Variants in ZNF600 observed in about 807,000 individuals in gnomAD.
The protein encoded by ZNF600 is zinc finger protein 600.
In ZNF600, 4 loss-of-function variants were observed where a neutral mutation model predicts 7.3. The ratio of observed to expected loss-of-function variants is 0.55; its 90% CI spans 0.27 to 1.25. The LOEUF is 1.25. Ranked by LOEUF, ZNF600 falls within the 50% of genes most tolerant of loss-of-function variation. The pLI is 0.12. For synonymous variants in ZNF600, 290 were observed against 308.9 expected, an observed-to-expected ratio of 0.94 and a Z score of 0.64; for missense variants, 911 against 922.1, an observed-to-expected ratio of 0.99 and a Z score of 0.16.
At chr19:52,809,907 G>A in the ZNF600 span, 1 of 829,440 alleles carries the variant, frequency 1.2e-6, no homozygotes, top group Non-Finnish European at 2.0e-6. Context: ...GCGCCATCTT[G>A]TGCCCGGGGC....
upstream of ZNF600, among the ~76,000 whole-genome samples, chr19:52,791,512 G>C (rs10414950): frequency 0.077 from 11,785 of 152,160 alleles, 750 homozygotes; most frequent in South Asian, 0.19. Flanking sequence ...GAAGAGCCAT[G>C]CCTGGCTCCT....
At chr19:52,822,074 C>CTTTTTTTTT in the ZNF600 span, among the ~76,000 whole-genome samples, 172 of 78,664 alleles carry the variant, frequency 2.2e-3, 5 homozygotes, top group African/African-American at 3.5e-3. Context: ...TTCTTTTTCC[C>CTTTTTTTTT]TTTTTTTTTT....
chr19:52,814,852 G>A, the ZNF600 span, among the ~76,000 whole-genome samples: 9,420 of 145,816 alleles, frequency 0.065, 1,395 homozygotes, highest in African/African-American at 0.14. Context: ...ACACCACTGC[G>A]CTCCAGCCTG....
rs1273564334 is a variant in ZNF600 at position 52,778,985 on chromosome 19, A to C, written c.-19-78T>G. 3.7e-6 allele frequency: 5 copies of C among 1,347,680 alleles called. No homozygotes were observed. The African/African-American group carries it at 7.4e-5, about 20-fold the overall frequency. 83.5% of individuals were successfully genotyped at this position (1,347,680 alleles called of 1,614,324 possible). A position where few individuals can be genotyped will look rare whatever the true frequency, so the allele number is the denominator to read the frequency against. On this transcript the variant is annotated intron_variant, in intron 1 of 3. Transcript: ENST00000648973. ...TGTGACAAAACCACATGAACAGGGG[A>C]GACCTCACCCAGCAGAAAGAAGTCC...
intron 3 of ZNF600, 41 bp downstream of exon 5, chr19:52,774,534 A>G (rs552671922): frequency 2.7e-5 from 27 of 984,678 alleles, no homozygotes; most frequent in African/African-American, 3.5e-5. Flanking sequence ...AAGATAGACA[A>G]GAGCAGACTC....
the ZNF600 span, among the ~76,000 whole-genome samples, chr19:52,830,433 A>G: frequency 6.6e-6 from 1 of 152,154 alleles, no homozygotes; most frequent in Non-Finnish European, 1.5e-5. Flanking sequence ...GGATCCCACG[A>G]CATGTTTCTA....
chr19:52,825,036 G>T, the ZNF600 span, among the ~76,000 whole-genome samples: 1 of 152,080 alleles, frequency 6.6e-6, no homozygotes, highest in Non-Finnish European at 1.5e-5. Context: ...TGCAGAGGCT[G>T]CAGGGCACAT....
At chr19:52,767,813 G>T in intron 3 of ZNF600, 41 bp from the exon 6 acceptor site, 1 of 1,521,442 alleles carries the variant, frequency 6.6e-7, no homozygotes. Context: ...ATTAAGTACA[G>T]ATGGTAAATC....
At chr19:52,829,021 T>C in the ZNF600 span, among the ~76,000 whole-genome samples, 5 of 152,042 alleles carry the variant, frequency 3.3e-5, no homozygotes, top group East Asian at 5.8e-4. Context: ...CCACCACGCC[T>C]GGCTAATTTT....
chr19:52,787,542 A>G (rs182392467), upstream of ZNF600, among the ~76,000 whole-genome samples: 411 of 148,116 alleles, frequency 2.8e-3, 3 homozygotes, highest in East Asian at 7.9e-3. Context: ...GAGTAACTGG[A>G]ACTACAGGAG....
chr19:52,786,257 G>A (rs554344551), intron 1 of ZNF600, among the ~76,000 whole-genome samples: 166 of 152,218 alleles, frequency 1.1e-3, no homozygotes, highest in Non-Finnish European at 1.9e-3. Context: ...AGCAGGGCCC[G>A]GCACCAGGAG....
the ZNF600 span, among the ~76,000 whole-genome samples, chr19:52,808,963 T>C: frequency 3.9e-5 from 6 of 152,190 alleles, no homozygotes; most frequent in African/African-American, 9.7e-5. Context: ...TTTCAAAATA[T>C]AAAAGATTTT....
intron 1 of ZNF600, chr19:52,780,999 C>G (rs1225304166): frequency 6.6e-6 from 1 of 152,184 alleles, no homozygotes; most frequent in African/African-American, 2.4e-5. Flanking sequence ...GTTTGATGAC[C>G]CAGGAGACAG....
the ZNF600 span, chr19:52,810,073 C>CTGGG: frequency 1.3e-6 from 1 of 754,248 alleles, no homozygotes; most frequent in Admixed American, 2.0e-5. Flanking sequence ...GCTCCAGGAC[C>CTGGG]TGGGCCTCGT....
At chr19:52,788,210 G>A (rs188917773), upstream of ZNF600, among the ~76,000 whole-genome samples, 364 of 152,292 alleles carry the variant, frequency 2.4e-3, 2 homozygotes, top group African/African-American at 7.4e-3. Context: ...CTGAGAAAAG[G>A]CATGGGTTAG....
chr19:52,779,797 A>T (rs1279024953), intron 1 of ZNF600, among the ~76,000 whole-genome samples: 1 of 152,154 alleles, frequency 6.6e-6, no homozygotes, highest in East Asian at 1.9e-4. Flanking sequence ...TAATCCCAGC[A>T]CTGTGGGATT....
the ZNF600 span, among the ~76,000 whole-genome samples, chr19:52,813,804 T>C: frequency 6.8e-6 from 1 of 146,544 alleles, no homozygotes; most frequent in Non-Finnish European, 1.5e-5. Flanking sequence ...CACTACCTTG[T>C]TTTGGGGGGT....
intron 2 of ZNF600, among the ~76,000 whole-genome samples, chr19:52,776,040 A>AAGCCAGAAGGCAGAGGGGCAGGGAGC (rs1193184097): frequency 6.9e-6 from 1 of 145,384 alleles, no homozygotes. Flanking sequence ...AACTGTTATG[A>AAGCCAGAAGGCAGAGGGGCAGGGAGC]TGACAGCAAT....
At chr19:52,800,187 C>A in the ZNF600 span, 1 of 1,613,476 alleles carries the variant, frequency 6.2e-7, no homozygotes, top group East Asian at 2.2e-5. Flanking sequence ...ACATTCTTCA[C>A]ATTTGTACGG....
Sources: allele counts gnomAD v4.1 joint callset (sites outside exome capture counted in the v4.1 genomes callset), GRCh38; gene constraint gnomAD v4.1.1; transcripts MANE v1.5; gene names NCBI Gene and HGNC (gene_info 2026-07-23, HGNC 2026-07-21).